The following CFI variants were observed in gnomAD, a reference collection of about 807,000 sequenced individuals.
CFI encodes complement factor I, also known as C3B/C4B inactivator.
In CFI, 66 loss-of-function variants were observed where a neutral mutation model predicts 78.8. That is an observed-to-expected ratio of 0.84 (90% CI 0.69 to 1.03). The LOEUF is 1.03. Ranked by LOEUF, CFI falls within the 50% of genes least tolerant of loss-of-function variation. The probability of loss-of-function intolerance (pLI) is 0.00; values close to 1 mark genes in which losing one functional copy is unlikely to be tolerated. For synonymous variants in CFI, 250 were observed against 232.6 expected, an observed-to-expected ratio of 1.07 and a Z score of -0.68; for missense variants, 706 against 704.5, an observed-to-expected ratio of 1.00 and a Z score of -0.02.
In CFI at chr4:109,757,757, T is replaced by A. The variant is rs1726505290; in HGVS notation, c.904+6A>T. On this transcript the variant is annotated splice_donor_region_variant and intron_variant, in intron 7 of 12. Coordinates refer to ENST00000394634, the MANE Select transcript of CFI (RefSeq NM_000204.5). ...TAATATCCCCAAATTTTAATAAAAA[T>A]TTTACCTTGAGTCACAGATGCAAAG... is the stretch of plus-strand genomic sequence containing the variant. The A allele has an allele frequency of 7.0e-7, 1 of 1,428,644 alleles. No homozygotes were observed. Among genetic ancestry groups the A allele is most frequent in the African/African-American group, 1.4e-5 (1 of 71,402 alleles). The allele number at this position is 1,428,644 out of a possible 1,614,324, so 88.5% of individuals were successfully genotyped here. A position where few individuals can be genotyped will look rare whatever the true frequency, so the allele number is the denominator to read the frequency against.
At chr4:109,784,258 T>A (rs1348738240) in intron 1 of CFI, among the ~76,000 whole-genome samples, 1 of 152,088 alleles carries the variant, frequency 6.6e-6, no homozygotes, top group Non-Finnish European at 1.5e-5. Flanking sequence ...TTGACAAATG[T>A]AATTTTAGTG....
chr4:109,757,644 G>T (rs1038352479), intron 7 of CFI, 119 bp downstream of exon 7: 2 of 666,758 alleles, frequency 3.0e-6, no homozygotes, highest in Non-Finnish European at 5.1e-6. Flanking sequence ...TTCAGGCTGG[G>T]TTATTACTAA....
intron 1 of CFI, among the ~76,000 whole-genome samples, chr4:109,779,054 T>A (rs1729652249): frequency 6.6e-6 from 1 of 152,096 alleles, no homozygotes; most frequent in East Asian, 1.9e-4. Flanking sequence ...CTGGAAGCAT[T>A]CCCTTTGAAA....
chr4:109,762,452 C>T (rs1414268374), intron 3 of CFI: 1 of 152,172 alleles, frequency 6.6e-6, no homozygotes, highest in Non-Finnish European at 1.5e-5. Flanking sequence ...GAGACTTCCT[C>T]AGTGACGTAT....
At position 109,768,349 on chromosome 4, in the gene CFI, A is replaced by AAAG. The variant is rs1208601449; in HGVS notation, c.58-1526_58-1525insCTT. On this transcript the variant is annotated intron_variant, in intron 1 of 12. Coordinates refer to ENST00000394634, the MANE Select transcript of CFI (RefSeq NM_000204.5). ...GAAGAAATCCTAAAAAAAAAAAAAA[A>AAAG]AAAAGAAAAAAAGAATCAGACAAAC... Among the ~76,000 whole-genome samples the AAAG allele has an allele frequency of 7.6e-3, 1,150 of 150,672 alleles. 6 individuals carry two copies. The highest frequency in any genetic ancestry group is 0.012 in the Non-Finnish European group (829 of 67,494).
intron 1 of CFI, among the ~76,000 whole-genome samples, chr4:109,797,801 G>A (rs1247594962): frequency 2.6e-5 from 4 of 152,100 alleles, no homozygotes; most frequent in African/African-American, 9.7e-5. Context: ...TGGTCAATAG[G>A]TACTTGAAAA....
chr4:109,778,739 A>T lies in CFI; in HGVS notation c.58-11915T>A, dbSNP rs553187919. Among the ~76,000 whole-genome samples, 5 of 152,368 alleles carry T rather than the reference A, an allele frequency of 3.3e-5. No individual in the cohort carries two copies. In the East Asian group the frequency reaches 9.6e-4, roughly 29 times the overall value. ...CTGATGCAAAAATCCTCAATAAAAT[A>T]CTGGCAAACCGAATCCAGCAGCACA... On this transcript the variant is annotated intron_variant, in intron 1 of 12. Coordinates refer to ENST00000394634, the MANE Select transcript of CFI (RefSeq NM_000204.5).
In CFI at chr4:109,760,300, T is replaced by C; in HGVS notation, c.853A>G (p.Ile285Val). Residue 285 changes from isoleucine (I) to valine (V), a missense_variant, in exon 6 of 13, where the codon ATT (isoleucine) becomes GTT (valine). Coordinates refer to ENST00000394634, the MANE Select transcript of CFI (RefSeq NM_000204.5). ...CAGCCAACTTCATCTTCCCCTGTAATGCAGTCCACCTCACCATTGCATTGA... is the reference window on the plus strand; with the variant it reads ...CAGCCAACTTCATCTTCCCCTGTAACGCAGTCCACCTCACCATTGCATTGA... ...QYQCNGEVDC[I>V]TGEDEVGCAG... The C allele has an allele frequency of 1.2e-6, 2 of 1,614,070 alleles. No individual in the cohort carries two copies. Among genetic ancestry groups the C allele is most frequent in the Non-Finnish European group, 1.7e-6 (2 of 1,179,934 alleles).
chr4:109,779,247 C>T (rs567611743), intron 1 of CFI, among the ~76,000 whole-genome samples: 9 of 152,080 alleles, frequency 5.9e-5, no homozygotes, highest in Non-Finnish European at 1.2e-4. Context: ...TCGTCTCAGC[C>T]CGAAATCTCC....
Position 109,746,448 on chromosome 4 carries a change from G to A in CFI, c.1203C>T (p.His401=), listed in dbSNP as rs777911239. 2 of 1,613,700 alleles carry A rather than the reference G, an allele frequency of 1.2e-6. No individual in the cohort carries two copies. Among genetic ancestry groups the A allele is most frequent in the Non-Finnish European group, 1.7e-6 (2 of 1,179,814 alleles). The change falls in exon 11 of 13, where the codon CAC becomes CAT. Residue 401 remains histidine, a synonymous_variant. Coordinates refer to ENST00000394634, the MANE Select transcript of CFI (RefSeq NM_000204.5). ...QIWTTVVDWI[H]PDLKRIVIEY... ...CAATTACTATACGTTTAAGGTCGGG[G>A]TGTATCCAGTCTACTACTGTTGTCC...
rs767427659 is a variant in CFI, at chr4:109,760,378, A to G, written c.775T>C (p.Cys259Arg). The G allele has an allele frequency of 2.5e-6, 4 of 1,612,300 alleles. No individual in the cohort carries two copies. Among genetic ancestry groups the G allele is most frequent in the Admixed American group, 1.7e-5 (1 of 60,004 alleles). Reference sequence around the variant, plus strand: ...TTGCAATGGAAGCCTTTGCCTTGGCATGCTGTGCAAACATAAGCAGGAGAG... The same window carrying G: ...TTGCAATGGAAGCCTTTGCCTTGGCGTGCTGTGCAAACATAAGCAGGAGAG... ...DQSDELCCKA[C>R]QGKGFHCKSG... is the part of the protein sequence containing the mutation. The change falls in exon 6 of 13, where the codon TGC (cysteine) becomes CGC (arginine). Residue 259 changes from cysteine (C) to arginine (R), a missense_variant and splice_region_variant. Coordinates refer to ENST00000394634, the MANE Select transcript of CFI (RefSeq NM_000204.5).
intron 1 of CFI, among the ~76,000 whole-genome samples, chr4:109,789,647 G>C (rs994177501): frequency 3.0e-4 from 46 of 152,042 alleles, no homozygotes; most frequent in African/African-American, 1.1e-3. Flanking sequence ...CAGCATACCT[G>C]CAGTACAAGA....
chr4:109,756,088 A>G (rs1239001383), intron 7 of CFI, among the ~76,000 whole-genome samples: 1 of 152,206 alleles, frequency 6.6e-6, no homozygotes. Flanking sequence ...TACACATTGG[A>G]TAAGAATGCA....
At position 109,761,448 on chromosome 4, in the gene CFI, T is replaced by A. The variant is rs113120281; in HGVS notation, c.658+69A>T. On this transcript the variant is annotated intron_variant, in intron 4 of 12. Transcript: ENST00000394634. ...GGCAACGAGGCATCAATCATTTGTTTACTATAGGCTTGGTGTAAAATAAAC... is the reference window on the plus strand; with the variant it reads ...GGCAACGAGGCATCAATCATTTGTTAACTATAGGCTTGGTGTAAAATAAAC... 455 of 1,441,240 alleles carry A rather than the reference T, an allele frequency of 3.2e-4. 1 individual carries two copies. The African/African-American group carries it at 5.1e-3, about 16-fold the overall frequency. 89.3% of individuals were successfully genotyped at this position (1,441,240 alleles called of 1,614,324 possible).
chr4:109,747,526 T>C (rs766062763), intron 10 of CFI, among the ~76,000 whole-genome samples: 48 of 152,208 alleles, frequency 3.2e-4, no homozygotes, highest in Non-Finnish European at 2.2e-4. Context: ...TGGAACAGTA[T>C]AGAGTCACTT....
At chr4:109,801,278 T>C (rs1056277854) in intron 1 of CFI, among the ~76,000 whole-genome samples, 7 of 152,208 alleles carry the variant, frequency 4.6e-5, no homozygotes, top group Non-Finnish European at 8.8e-5. Context: ...CACTTGCTGC[T>C]TTTCCTGGCT....
At chr4:109,754,472 G>C (rs1725876117) in intron 7 of CFI, among the ~76,000 whole-genome samples, 1 of 146,392 alleles carries the variant, frequency 6.8e-6, no homozygotes, top group Non-Finnish European at 1.5e-5. Flanking sequence ...AGTTATACCA[G>C]ATGTTTTCAT....
chr4:109,760,004 T>C, intron 6 of CFI: 1 of 584,520 alleles, frequency 1.7e-6, no homozygotes, highest in East Asian at 3.4e-5. Flanking sequence ...AGGTGGAAAA[T>C]GGGTACTTAA....
intron 11 of CFI, among the ~76,000 whole-genome samples, chr4:109,743,030 C>T (rs909223895): frequency 3.9e-5 from 6 of 152,102 alleles, no homozygotes; most frequent in African/African-American, 7.2e-5. Context: ...GAAATACATA[C>T]GAAGTTATCA....
Sources: allele counts gnomAD v4.1 joint callset (sites outside exome capture counted in the v4.1 genomes callset), GRCh38; gene constraint gnomAD v4.1.1; transcripts MANE v1.5; gene names NCBI Gene and HGNC (gene_info 2026-07-23, HGNC 2026-07-21).